The following GCC2 variants were observed in gnomAD, a reference collection of about 807,000 sequenced individuals.
GCC2 encodes the protein GRIP and coiled-coil domain-containing protein 2.
Under a neutral mutation model 210.6 loss-of-function variants are expected in GCC2, and 120 were observed. That is an observed-to-expected ratio of 0.57 (90% confidence interval 0.49 to 0.66). GCC2 has a LOEUF of 0.66. Ranked by LOEUF, GCC2 falls within the 30% of genes least tolerant of loss-of-function variation. GCC2 has a pLI of 0.00. For missense variants in GCC2, 1,868 were observed against 1,871.9 expected (o/e 1.00, Z 0.04); for synonymous variants, 703 against 652.7 (o/e 1.08, Z -1.17).
chr2:108,477,821 G>A (rs898063296), intron 9 of GCC2, among the ~76,000 whole-genome samples: 1 of 152,166 alleles, frequency 6.6e-6, no homozygotes, highest in Non-Finnish European at 1.5e-5. Flanking sequence ...CAAGGTGGGT[G>A]AGTCACTTGA....
intron 6 of GCC2, among the ~76,000 whole-genome samples, chr2:108,472,540 A>G (rs2577622): frequency 0.61 from 92,208 of 151,730 alleles, 28,692 homozygotes; most frequent in East Asian, 0.96. Flanking sequence ...ATTAAAAATC[A>G]TTTAATCTTC....
In GCC2 at chr2:108,471,582, G is replaced by C; in HGVS notation, c.2253G>C (p.Gln751His). Residue 751 changes from glutamine (Q) to histidine (H), a missense_variant, in exon 6 of 23, where the codon CAG becomes CAC. Coordinates refer to ENST00000309863, the MANE Select transcript of GCC2 (RefSeq NM_181453.4). ...LNKLLENEQVQKLFVKTQLYG... is the reference protein window; with the variant it reads ...LNKLLENEQVHKLFVKTQLYG... ...AACTGCTTGAAAATGAGCAAGTTCAGAAGTTATTTGTTAAAACTCAGTTGT... is the reference window on the plus strand; with the variant it reads ...AACTGCTTGAAAATGAGCAAGTTCACAAGTTATTTGTTAAAACTCAGTTGT... 6.2e-7 allele frequency: 1 copy of C among 1,611,930 alleles called. No homozygotes were observed.
At position 108,486,572 on chromosome 2, in the gene GCC2, C is replaced by T. The variant is rs147550431; in HGVS notation, c.3854C>T (p.Ala1285Val). 22 of 1,613,888 alleles carry T rather than the reference C, an allele frequency of 1.4e-5. No homozygotes were observed. Among genetic ancestry groups the T allele is most frequent in the East Asian group, 1.1e-4 (5 of 44,892 alleles). ...HKIHEHLKTS[A>V]EQHQRTLSAY... is the part of the protein sequence containing the mutation. ...ATCCACGAGCACCTGAAAACCTCTGCGGAACAGCACCAGCGTACGCTAAGT... is the reference window on the plus strand; with the variant it reads ...ATCCACGAGCACCTGAAAACCTCTGTGGAACAGCACCAGCGTACGCTAAGT... Residue 1285 changes from alanine (A) to valine (V), a missense_variant, in exon 16 of 23, where the codon GCG becomes GTG. Around this residue, in one of 3 missense-constraint regions of GCC2, gnomAD observed 1,847 missense variants for 1,765.2 expected, o/e 1.05. Coordinates refer to ENST00000309863, the MANE Select transcript of GCC2 (RefSeq NM_181453.4).
chr2:108,507,324 A>T (rs1238516120), intron 22 of GCC2, among the ~76,000 whole-genome samples: 3 of 151,034 alleles, frequency 2.0e-5, no homozygotes, highest in Non-Finnish European at 2.9e-5. Flanking sequence ...AGCCTGGGAG[A>T]TCAAGGCTGC....
Position 108,470,551 on chromosome 2 carries a change from C to G in GCC2, c.1222C>G (p.Leu408Val). 6.2e-7 allele frequency: 1 copy of G among 1,607,194 alleles called. No individual in the cohort carries two copies. Among genetic ancestry groups the G allele is most frequent in the Non-Finnish European group, 8.5e-7 (1 of 1,177,394 alleles). The change falls in exon 6 of 23, where the codon CTA becomes GTA. Residue 408 changes from leucine (L) to valine (V), a missense_variant. Physicochemically the swap from Leu to Val is conservative, Grantham distance 32 (BLOSUM62 1). Transcript: ENST00000309863. ...GCVIEKLKSELAGLNKQFCYT... is the reference protein window; with the variant it reads ...GCVIEKLKSEVAGLNKQFCYT... ...TGTAATTGAAAAATTAAAATCTGAG[C>G]TAGCAGGTTTAAATAAACAGTTTTG...
chr2:108,505,070 C>G (rs1172495939), intron 22 of GCC2, among the ~76,000 whole-genome samples: 4 of 152,216 alleles, frequency 2.6e-5, no homozygotes, highest in African/African-American at 9.6e-5. Context: ...CAGCTTTTCT[C>G]CAATTCTTAT....
intron 22 of GCC2, among the ~76,000 whole-genome samples, chr2:108,505,348 A>C (rs143379145): frequency 3.9e-5 from 6 of 152,136 alleles, no homozygotes; most frequent in African/African-American, 1.4e-4. Flanking sequence ...GCTTCCTCCT[A>C]CTTTCTAGAA....
intron 6 of GCC2, 39 bp from the exon 7 acceptor site, chr2:108,472,788 T>C: frequency 1.7e-6 from 2 of 1,165,870 alleles, no homozygotes; most frequent in Non-Finnish European, 2.5e-6. Context: ...TTCTGGTTTT[T>C]GTTTTGTTTT....
intron 3 of GCC2, among the ~76,000 whole-genome samples, chr2:108,451,359 T>G (rs893761920): frequency 4.6e-5 from 7 of 152,236 alleles, no homozygotes; most frequent in African/African-American, 1.7e-4. Context: ...TTAAAGTTTG[T>G]GTAAGTTAAG....
intron 22 of GCC2, among the ~76,000 whole-genome samples, chr2:108,507,024 A>G (rs1683225285): frequency 6.6e-6 from 1 of 152,172 alleles, no homozygotes; most frequent in Non-Finnish European, 1.5e-5. Flanking sequence ...TAAAATAGAA[A>G]ATTAGCTGTT....
chr2:108,450,792 G>A (rs1289425295), intron 2 of GCC2, among the ~76,000 whole-genome samples: 3 of 152,114 alleles, frequency 2.0e-5, no homozygotes, highest in Admixed American at 2.0e-4. Flanking sequence ...TGAGACAGGA[G>A]AATTGCTTGA....
rs1008350751 is a variant in GCC2, at chr2:108,508,284, G to A, written c.*654G>A. 1 of 147,124 alleles carries A rather than the reference G, an allele frequency of 6.8e-6. No homozygotes were observed. The highest frequency in any genetic ancestry group is 2.5e-5 in the African/African-American group (1 of 40,568). 9.1% of individuals were successfully genotyped at this position (147,124 alleles called of 1,614,324 possible). On this transcript the variant is annotated 3_prime_UTR_variant, in exon 23 of 23. Coordinates refer to ENST00000309863, the MANE Select transcript of GCC2 (RefSeq NM_181453.4). ...AAAGCTTTGTTGGTAAAAGTGACATGTTAAGGGGCTATGAAGTAAATATGC... is the reference window on the plus strand; with the variant it reads ...AAAGCTTTGTTGGTAAAAGTGACATATTAAGGGGCTATGAAGTAAATATGC...
At chr2:108,462,597 C>T (rs149566850) in intron 4 of GCC2, 7,233 of 120,162 alleles carry the variant, frequency 0.06, 304 homozygotes, top group Non-Finnish European at 0.074. Flanking sequence ...GAGTCTTGCT[C>T]TGTCGCCCAG....
chr2:108,483,308 C>T (rs1000422234), intron 12 of GCC2, 142 bp downstream of exon 12: 2 of 543,052 alleles, frequency 3.7e-6, no homozygotes, highest in African/African-American at 4.0e-5. Flanking sequence ...ACTGCAACCT[C>T]CGCCTCCCGA....
At chr2:108,460,405 T>A (rs1680505410) in intron 4 of GCC2, among the ~76,000 whole-genome samples, 1 of 152,192 alleles carries the variant, frequency 6.6e-6, no homozygotes. Flanking sequence ...ATTAACGGTT[T>A]TCTGGTTGCT....
chr2:108,507,228 CA>C (rs67425866), intron 22 of GCC2, among the ~76,000 whole-genome samples: 58,023 of 150,948 alleles, frequency 0.38, 12,642 homozygotes, highest in East Asian at 0.89. Context: ...CGCATCTCCA[CA>C]AAAAAAACAA....
At position 108,473,891 on chromosome 2, in the gene GCC2, C is replaced by T. The variant is rs140829832; in HGVS notation, c.2860+992C>T. Among the ~76,000 whole-genome samples, 732 of 152,156 alleles carry T rather than the reference C, an allele frequency of 4.8e-3. 5 individuals carry two copies. The highest frequency in any genetic ancestry group is 0.016 in the African/African-American group (670 of 41,542). ...AGGAGAGGCCGAGTGCGGTGGCTCA[C>T]GCCTATAATCCCAGCACTTTGGGAG... On this transcript the variant is annotated intron_variant, in intron 7 of 22. Transcript: ENST00000309863.
intron 21 of GCC2, among the ~76,000 whole-genome samples, chr2:108,499,169 A>G (rs985083432): frequency 1.3e-5 from 2 of 149,622 alleles, no homozygotes; most frequent in African/African-American, 4.9e-5. Context: ...TGTCTCATCT[A>G]CTTTTTCTCC....
chr2:108,459,894 C>CCAG (rs1680475361), intron 4 of GCC2, among the ~76,000 whole-genome samples: 1 of 151,748 alleles, frequency 6.6e-6, no homozygotes, highest in African/African-American at 2.4e-5. Context: ...CACGCCGCTG[C>CCAG]CAGGCTGGAG....
Sources: gnomAD v4.1 joint callset for allele counts (sites outside exome capture counted in the v4.1 genomes callset) on GRCh38, gnomAD v4.1.1 for gene constraint, gnomAD v4.1.1 regional missense constraint, MANE v1.5 for transcripts, NCBI Gene and HGNC (gene_info 2026-07-23, HGNC 2026-07-21) for gene names.